The following DCDC2 variants were observed in gnomAD, a reference collection of about 807,000 sequenced individuals.
DCDC2 encodes the protein doublecortin domain containing 2.
DCDC2 carries 40 observed loss-of-function variants against 50.2 expected under a neutral mutation model. That is an observed-to-expected ratio of 0.80 (90% CI 0.62 to 1.04). The LOEUF is 1.04. Ranked by LOEUF, DCDC2 falls within the 50% of genes least tolerant of loss-of-function variation. DCDC2 has a pLI of 0.00. For missense variants in DCDC2, 570 were observed against 581.9 expected (o/e 0.98, Z 0.21); for synonymous variants, 234 against 210.6 (o/e 1.11, Z -0.96).
In DCDC2 at chr6:24,301,954, G is replaced by C. The variant is rs77544788; in HGVS notation, c.425+14C>G. On this transcript the variant is annotated intron_variant, in intron 3 of 9. Coordinates refer to ENST00000378454, the MANE Select transcript of DCDC2 (RefSeq NM_016356.5). ...AGCCAATTTTAACTTGAAGTATAAA[G>C]GGTTTCAACTTACAAGATAGTGCAC... The C allele has an allele frequency of 6.2e-7, 1 of 1,613,070 alleles. No homozygotes were observed. The highest frequency in any genetic ancestry group is 8.5e-7 in the Non-Finnish European group (1 of 1,179,680).
At chr6:24,200,666 A>T (rs1157450045) in intron 8 of DCDC2, among the ~76,000 whole-genome samples, 1 of 152,224 alleles carries the variant, frequency 6.6e-6, no homozygotes, top group African/African-American at 2.4e-5. Flanking sequence ...CCTTAAATGT[A>T]AACGGGCTAA....
At chr6:24,296,222 G>A (rs1759234130) in intron 4 of DCDC2, among the ~76,000 whole-genome samples, 1 of 152,270 alleles carries the variant, frequency 6.6e-6, no homozygotes, top group African/African-American at 2.4e-5. Flanking sequence ...AACAAGCAAT[G>A]GGGAAAGGAG....
At chr6:24,365,266 A>C in the DCDC2 span, among the ~76,000 whole-genome samples, 9 of 152,288 alleles carry the variant, frequency 5.9e-5, no homozygotes, top group East Asian at 1.7e-3. Context: ...TCTACTGCTC[A>C]TCCTCATTGC....
At chr6:24,312,946 T>C (rs552321901) in intron 2 of DCDC2, among the ~76,000 whole-genome samples, 3 of 152,328 alleles carry the variant, frequency 2.0e-5, no homozygotes, top group African/African-American at 4.8e-5. Flanking sequence ...TTTGGAAAAC[T>C]CTTCAATGTA....
chr6:24,260,268 G>T (rs1437073401), intron 7 of DCDC2, among the ~76,000 whole-genome samples: 3 of 152,134 alleles, frequency 2.0e-5, no homozygotes, highest in African/African-American at 7.2e-5. Context: ...TTAATGGGTT[G>T]CCGGTTCCCA....
chr6:24,225,609 T>C (rs1053518613), intron 7 of DCDC2, among the ~76,000 whole-genome samples: 1 of 152,184 alleles, frequency 6.6e-6, no homozygotes, highest in Non-Finnish European at 1.5e-5. Flanking sequence ...TTGTTTTAAC[T>C]CTTCACTTAA....
chr6:24,179,491 T>C (rs1761004673), intron 8 of DCDC2, among the ~76,000 whole-genome samples: 1 of 127,736 alleles, frequency 7.8e-6, no homozygotes, highest in Non-Finnish European at 1.5e-5. Flanking sequence ...GAGCTTGCAG[T>C]GAGCCGAGAT....
chr6:24,275,419 A>G (rs1446753178), intron 7 of DCDC2, among the ~76,000 whole-genome samples: 1 of 152,024 alleles, frequency 6.6e-6, no homozygotes, highest in Non-Finnish European at 1.5e-5. Context: ...ATCCTTTTTC[A>G]TTTTTCCTGG....
chr6:24,273,186 A>G (rs1270163691), intron 7 of DCDC2, among the ~76,000 whole-genome samples: 1 of 152,230 alleles, frequency 6.6e-6, no homozygotes, highest in Non-Finnish European at 1.5e-5. Flanking sequence ...AGAAATGTAA[A>G]GTCAAATGGC....
chr6:24,230,333 A>G (rs1034106882), intron 7 of DCDC2, among the ~76,000 whole-genome samples: 5 of 151,426 alleles, frequency 3.3e-5, no homozygotes, highest in African/African-American at 1.2e-4. Context: ...GTAATTGAAA[A>G]CAACAACCCT....
At chr6:24,298,477 A>G (rs543877702) in intron 4 of DCDC2, among the ~76,000 whole-genome samples, 3 of 152,358 alleles carry the variant, frequency 2.0e-5, no homozygotes, top group East Asian at 3.9e-4. Flanking sequence ...CGGAATGCCT[A>G]CTAGGCTTGA....
At chr6:24,298,772 A>T (rs1759312640) in intron 4 of DCDC2, among the ~76,000 whole-genome samples, 1 of 152,258 alleles carries the variant, frequency 6.6e-6, no homozygotes, top group Admixed American at 6.5e-5. Flanking sequence ...GACAGGTAAC[A>T]GTATGACAAA....
intron 4 of DCDC2, among the ~76,000 whole-genome samples, chr6:24,294,535 G>T (rs999053745): frequency 1.1e-4 from 17 of 151,860 alleles, no homozygotes; most frequent in African/African-American, 3.1e-4. Context: ...TCCAGGAGTT[G>T]GTTTTTAAAA....
intron 7 of DCDC2, among the ~76,000 whole-genome samples, chr6:24,274,553 T>A (rs896739569): frequency 7.3e-6 from 1 of 136,242 alleles, no homozygotes; most frequent in Non-Finnish European, 1.5e-5. Flanking sequence ...AAGAAATATG[T>A]CACTGCTCTG....
the DCDC2 span, among the ~76,000 whole-genome samples, chr6:24,375,248 G>C: frequency 1.3e-5 from 2 of 152,136 alleles, no homozygotes; most frequent in African/African-American, 4.8e-5. Context: ...CATATGCCCA[G>C]AGGCCCCGTT....
intron 2 of DCDC2, among the ~76,000 whole-genome samples, chr6:24,313,282 A>C (rs1010085385): frequency 2.0e-5 from 3 of 152,222 alleles, no homozygotes; most frequent in African/African-American, 7.2e-5. Flanking sequence ...TGCTATGCTT[A>C]AGAGAATAAT....
At chr6:24,301,135 G>C in intron 4 of DCDC2, among the ~76,000 whole-genome samples, 1 of 151,850 alleles carries the variant, frequency 6.6e-6, no homozygotes, top group East Asian at 1.9e-4. Context: ...ACTTTGGGAG[G>C]CCAAGGCGGG....
chr6:24,254,462 T>C (rs867053114), intron 7 of DCDC2, among the ~76,000 whole-genome samples: 22 of 152,306 alleles, frequency 1.4e-4, no homozygotes, highest in African/African-American at 4.3e-4. Flanking sequence ...TGCTATGACA[T>C]TATGATGGCT....
At chr6:24,312,248 T>G (rs993585285) in intron 2 of DCDC2, among the ~76,000 whole-genome samples, 1 of 152,068 alleles carries the variant, frequency 6.6e-6, no homozygotes, top group African/African-American at 2.4e-5. Flanking sequence ...TCAGTCTGAC[T>G]GCACCCAGGT....
Sources: gnomAD v4.1 joint callset for allele counts (sites outside exome capture counted in the v4.1 genomes callset) on GRCh38, gnomAD v4.1.1 for gene constraint, MANE v1.5 for transcripts, NCBI Gene and HGNC (gene_info 2026-07-23, HGNC 2026-07-21) for gene names.